SPIN1: variants seen among roughly 807,000 people sequenced by gnomAD.
SPIN1 encodes the protein spindlin 1.
SPIN1 carries 3 observed loss-of-function variants against 26.0 expected under a neutral mutation model. That is an observed-to-expected ratio of 0.12 (90% CI 0.05 to 0.30). The LOEUF is 0.30. Ranked by LOEUF, SPIN1 falls within the 10% of genes least tolerant of loss-of-function variation. The pLI is 1.00. For synonymous variants in SPIN1, 101 were observed against 116.5 expected, an observed-to-expected ratio of 0.87 and a Z score of 0.86; for missense variants, 126 against 333.4, an observed-to-expected ratio of 0.38 and a Z score of 4.84.
In SPIN1 at chr9:88,395,249, T is replaced by C. The variant is rs558023895; in HGVS notation, c.-159+6711T>C. 2.2e-3 allele frequency among the ~76,000 whole-genome samples: 328 copies of C among 152,246 alleles called. 1 individual carries two copies. Among genetic ancestry groups the C allele is most frequent in the African/African-American group, 7.7e-3 (321 of 41,582 alleles). On this transcript the variant is annotated intron_variant, in intron 1 of 5. Coordinates refer to ENST00000375859, the MANE Select transcript of SPIN1 (RefSeq NM_006717.3). ...AATTTCTCTCTTGCCCCAGTTGTTT[T>C]TGCTTTGTTTTTCTGATATTTCATT...
At chr9:88,392,029 A>G (rs1246094643) in intron 1 of SPIN1, among the ~76,000 whole-genome samples, 1 of 152,190 alleles carries the variant, frequency 6.6e-6, no homozygotes. Context: ...TTCCTTACCT[A>G]TAAACTGGGA....
intron 3 of SPIN1, among the ~76,000 whole-genome samples, chr9:88,454,628 T>C (rs2118158163): frequency 6.6e-6 from 1 of 152,354 alleles, no homozygotes; most frequent in Non-Finnish European, 1.5e-5. Flanking sequence ...GAGTAGTGTA[T>C]CATAAATCTT....
chr9:88,402,527 T>TA (rs927556221), intron 1 of SPIN1, among the ~76,000 whole-genome samples: 1 of 150,872 alleles, frequency 6.6e-6, no homozygotes, highest in Non-Finnish European at 1.5e-5. Context: ...TTTTTTTTTT[T>TA]ATAGCTCCCA....
intron 2 of SPIN1, among the ~76,000 whole-genome samples, chr9:88,434,341 ATAGT>A (rs1346647931): frequency 8.8e-6 from 1 of 114,284 alleles, no homozygotes; most frequent in Non-Finnish European, 1.8e-5. Flanking sequence ...AAATTATAAA[ATAGT>A]TTATTTTATA....
chr9:88,470,803 G>A (rs550013840), intron 5 of SPIN1, among the ~76,000 whole-genome samples: 4 of 152,072 alleles, frequency 2.6e-5, no homozygotes, highest in African/African-American at 7.2e-5. Context: ...CATATTGGCC[G>A]GGCTCCTCTT....
chr9:88,393,852 T>C (rs952226692), intron 1 of SPIN1, among the ~76,000 whole-genome samples: 1 of 151,992 alleles, frequency 6.6e-6, no homozygotes, highest in African/African-American at 2.4e-5. Flanking sequence ...TGTGTGTTTT[T>C]GGTTTTTTAA....
At chr9:88,426,186 A>G (rs1827762287) in intron 1 of SPIN1, among the ~76,000 whole-genome samples, 196 bp from the exon 2 acceptor site, 1 of 152,166 alleles carries the variant, frequency 6.6e-6, no homozygotes, top group Admixed American at 6.5e-5. Context: ...CTTTTTTTAA[A>G]GAGTCTATCA....
chr9:88,414,722 A>C (rs1467992810), intron 1 of SPIN1, among the ~76,000 whole-genome samples: 1 of 152,188 alleles, frequency 6.6e-6, no homozygotes, highest in African/African-American at 2.4e-5. Context: ...ACTACTACTA[A>C]TACTGTGGTT....
chr9:88,464,800 G>A (rs1227023591), intron 4 of SPIN1, among the ~76,000 whole-genome samples: 1 of 151,982 alleles, frequency 6.6e-6, no homozygotes, highest in African/African-American at 2.4e-5. Context: ...CCATTTTTAA[G>A]TGTACAGTTC....
intron 2 of SPIN1, among the ~76,000 whole-genome samples, chr9:88,441,962 T>C (rs1828142335): frequency 6.8e-6 from 1 of 147,408 alleles, no homozygotes; most frequent in African/African-American, 2.5e-5. Context: ...CCTTTTTTTT[T>C]TTTTTTTGAG....
intron 2 of SPIN1, among the ~76,000 whole-genome samples, chr9:88,441,026 G>T (rs930389490): frequency 2.0e-5 from 3 of 151,474 alleles, no homozygotes; most frequent in African/African-American, 7.3e-5. Context: ...AAATTTAGTT[G>T]GCCCTCTGTA....
chr9:88,456,776 A>G (rs1206903786), intron 3 of SPIN1, among the ~76,000 whole-genome samples: 2 of 152,218 alleles, frequency 1.3e-5, no homozygotes, highest in African/African-American at 4.8e-5. Flanking sequence ...CATAAAAGAC[A>G]GTCACTAGTC....
At chr9:88,447,727 A>G (rs1382779778) in intron 2 of SPIN1, among the ~76,000 whole-genome samples, 1 of 152,148 alleles carries the variant, frequency 6.6e-6, no homozygotes, top group Non-Finnish European at 1.5e-5. Context: ...CCACATGTAC[A>G]TGTAGTCCAC....
At chr9:88,390,185 A>G (rs11142276) in intron 1 of SPIN1, among the ~76,000 whole-genome samples, 10,072 of 152,202 alleles carry the variant, frequency 0.066, 1,086 homozygotes, top group African/African-American at 0.23. Context: ...TCATCTTTCT[A>G]TGCCTGAAAT....
intron 1 of SPIN1, among the ~76,000 whole-genome samples, chr9:88,419,455 A>G (rs1029524200): frequency 6.6e-6 from 1 of 152,302 alleles, no homozygotes; most frequent in Non-Finnish European, 1.5e-5. Context: ...TGTGCTCACC[A>G]CTGCTCCATC....
At chr9:88,422,653 A>T (rs1436966391) in intron 1 of SPIN1, among the ~76,000 whole-genome samples, 5 of 151,748 alleles carry the variant, frequency 3.3e-5, no homozygotes, top group African/African-American at 1.2e-4. Context: ...AAGAGAAAGG[A>T]CTCTAAAATT....
intron 1 of SPIN1, chr9:88,411,215 A>G: frequency 8.3e-7 from 1 of 1,200,576 alleles, no homozygotes; most frequent in Admixed American, 1.7e-5. Flanking sequence ...TGGTTCCACA[A>G]GTCTTCTGTT....
chr9:88,460,062 C>T (rs1417797589), intron 3 of SPIN1, among the ~76,000 whole-genome samples: 3 of 152,164 alleles, frequency 2.0e-5, no homozygotes, highest in South Asian at 4.1e-4. Context: ...GCCTTAGCGC[C>T]AGTCATTCTG....
At chr9:88,435,510 C>T (rs1465124855) in intron 2 of SPIN1, among the ~76,000 whole-genome samples, 1 of 152,200 alleles carries the variant, frequency 6.6e-6, no homozygotes, top group African/African-American at 2.4e-5. Context: ...TTTCTCTCTT[C>T]TCACAGTCTT....
Sources: allele counts gnomAD v4.1 joint callset (sites outside exome capture counted in the v4.1 genomes callset), GRCh38; gene constraint gnomAD v4.1.1; transcripts MANE v1.5; gene names NCBI Gene and HGNC (gene_info 2026-07-23, HGNC 2026-07-21).